The following TBC1D22A variants were observed in gnomAD, a reference collection of about 807,000 sequenced individuals.
TBC1D22A encodes TBC1 domain family member 22A, also known as putative GTPase activator.
TBC1D22A carries 38 observed loss-of-function variants against 60.2 expected under a neutral mutation model. The observed-to-expected ratio is 0.63, with a 90% CI of 0.49 to 0.83. TBC1D22A has a LOEUF of 0.83. TBC1D22A is among the 40% of genes least tolerant of loss of function. The pLI, the probability that TBC1D22A is intolerant of heterozygous loss-of-function variation, is 0.00. For synonymous variants in TBC1D22A, 302 were observed against 281.7 expected (o/e 1.07, Z -0.72); for missense variants, 628 against 701.0 (o/e 0.90, Z 1.18).
intron 11 of TBC1D22A, among the ~76,000 whole-genome samples, chr22:47,064,405 G>A (rs993648893): frequency 6.6e-6 from 1 of 152,264 alleles, no homozygotes; most frequent in South Asian, 2.1e-4. Context: ...TGCAGATGGA[G>A]CTGTTCAGCT....
In TBC1D22A at chr22:47,035,563, C is replaced by A. The variant is rs570920317; in HGVS notation, c.1202-1508C>A. Among the ~76,000 whole-genome samples, 3 of 152,320 alleles carry A rather than the reference C, an allele frequency of 2.0e-5. No individual in the cohort carries two copies. In the East Asian group the frequency reaches 5.8e-4, roughly 29 times the overall value. ...AAGCAGGCCTCATCCTGCAGGCATC[C>A]CCTGACACCCAGCCCTACAGGAGCC... On this transcript the variant is annotated intron_variant, in intron 10 of 12. Transcript: ENST00000337137.
rs796441646 is a variant in TBC1D22A, at chr22:46,993,588, G to T, written c.1126-4046G>T. Among the ~76,000 whole-genome samples the T allele has an allele frequency of 9.2e-5, 14 of 152,186 alleles. No homozygotes were observed. In the South Asian group the frequency reaches 2.3e-3, roughly 25 times the overall value. On this transcript the variant is annotated intron_variant, in intron 9 of 12. Transcript: ENST00000337137. Reference sequence around the variant, plus strand: ...TCTGGGTGCCAGGTGTGGGAGGCGGGGTGCTGGGCTGGGGTGTCCCGAGGG... The same window carrying T: ...TCTGGGTGCCAGGTGTGGGAGGCGGTGTGCTGGGCTGGGGTGTCCCGAGGG...
intron 12 of TBC1D22A, among the ~76,000 whole-genome samples, chr22:47,121,505 G>T (rs2066269938): frequency 6.6e-6 from 1 of 152,130 alleles, no homozygotes; most frequent in South Asian, 2.1e-4. Flanking sequence ...ACTGAAACGA[G>T]CAAATGTTTT....
chr22:46,809,175 C>T (rs187979369), intron 4 of TBC1D22A, among the ~76,000 whole-genome samples: 6 of 152,248 alleles, frequency 3.9e-5, no homozygotes, highest in Admixed American at 1.3e-4. Flanking sequence ...ATCCAGTTTC[C>T]GGGAAGGGCT....
intron 9 of TBC1D22A, among the ~76,000 whole-genome samples, chr22:46,986,456 G>C (rs1190646801): frequency 1.3e-5 from 2 of 150,330 alleles, no homozygotes; most frequent in African/African-American, 4.9e-5. Flanking sequence ...TTGTATGTCA[G>C]TTTCCCTCAT....
At chr22:46,814,230 T>C (rs1020043081) in intron 4 of TBC1D22A, among the ~76,000 whole-genome samples, 2 of 152,276 alleles carry the variant, frequency 1.3e-5, no homozygotes, top group Non-Finnish European at 2.9e-5. Flanking sequence ...TCTAATGCTA[T>C]GTGCCAGGTG....
chr22:46,851,525 C>T (rs1213625608), intron 4 of TBC1D22A, among the ~76,000 whole-genome samples: 3 of 152,256 alleles, frequency 2.0e-5, no homozygotes, highest in Non-Finnish European at 4.4e-5. Context: ...TTTGAGAAGG[C>T]ACTGACCCAG....
rs567506984 is a variant in TBC1D22A, at chr22:46,884,166, T to C, written c.708+5443T>C. On this transcript the variant is annotated intron_variant, in intron 5 of 12. Transcript: ENST00000337137. ...GAAGTAGATTTGATGTGCTGTGGAA[T>C]GTGAGGAGTGCTGTAGGAAAAGGGC... Among the ~76,000 whole-genome samples, 7 of 149,434 alleles carry C rather than the reference T, an allele frequency of 4.7e-5. No homozygotes were observed. The East Asian group carries it at 1.2e-3, about 25-fold the overall frequency.
At chr22:46,869,886 T>C (rs377363373) in intron 4 of TBC1D22A, among the ~76,000 whole-genome samples, 4 of 152,190 alleles carry the variant, frequency 2.6e-5, no homozygotes, top group African/African-American at 9.7e-5. Context: ...AAGGTTCTTA[T>C]AATTAGGAGT....
At chr22:46,772,082 T>C (rs1451687411) in intron 1 of TBC1D22A, among the ~76,000 whole-genome samples, 1 of 143,538 alleles carries the variant, frequency 7.0e-6, no homozygotes, top group South Asian at 2.2e-4. Flanking sequence ...CACATATACA[T>C]ATATATGTAT....
intron 4 of TBC1D22A, among the ~76,000 whole-genome samples, chr22:46,811,982 C>A (rs948763138): frequency 6.6e-6 from 1 of 152,056 alleles, no homozygotes; most frequent in Admixed American, 6.5e-5. Flanking sequence ...GTTTCCCTAC[C>A]AGTAAAATCA....
At chr22:47,025,804 T>G (rs2062236436) in intron 10 of TBC1D22A, among the ~76,000 whole-genome samples, 1 of 152,140 alleles carries the variant, frequency 6.6e-6, no homozygotes, top group Admixed American at 6.5e-5. Flanking sequence ...GAGGGAATCA[T>G]ATAGTACTGA....
chr22:47,114,199 G>T (rs1292215507), intron 12 of TBC1D22A, among the ~76,000 whole-genome samples: 2 of 152,066 alleles, frequency 1.3e-5, no homozygotes, highest in Non-Finnish European at 2.9e-5. Flanking sequence ...TACTTAACTT[G>T]AGATGAAGGG....
At chr22:46,908,167 A>G (rs1379551530) in intron 7 of TBC1D22A, among the ~76,000 whole-genome samples, 3 of 152,218 alleles carry the variant, frequency 2.0e-5, no homozygotes, top group Non-Finnish European at 4.4e-5. Flanking sequence ...GGGTGTTAGC[A>G]GGAAGACCAG....
chr22:46,920,650 A>G (rs927055018), intron 8 of TBC1D22A, among the ~76,000 whole-genome samples: 5 of 152,144 alleles, frequency 3.3e-5, no homozygotes, highest in African/African-American at 1.2e-4. Flanking sequence ...TGGATTAGAG[A>G]AACTCTGTTG....
At chr22:47,049,251 A>G (rs2063129269) in intron 11 of TBC1D22A, among the ~76,000 whole-genome samples, 1 of 152,130 alleles carries the variant, frequency 6.6e-6, no homozygotes, top group African/African-American at 2.4e-5. Context: ...CAGTATTGAC[A>G]TTTTCCGATA....
At chr22:47,038,790 C>G (rs1470155626) in intron 11 of TBC1D22A, among the ~76,000 whole-genome samples, 1 of 152,204 alleles carries the variant, frequency 6.6e-6, no homozygotes, top group Non-Finnish European at 1.5e-5. Flanking sequence ...TCATTCGTGT[C>G]CGCGACTTGG....
intron 11 of TBC1D22A, among the ~76,000 whole-genome samples, chr22:47,081,941 T>C (rs2064483375): frequency 6.6e-6 from 1 of 152,142 alleles, no homozygotes; most frequent in Non-Finnish European, 1.5e-5. Context: ...GTGGATCACC[T>C]GAGGTCAGGA....
intron 11 of TBC1D22A, among the ~76,000 whole-genome samples, chr22:47,050,060 A>G (rs1225157395): frequency 9.9e-5 from 15 of 151,200 alleles, no homozygotes; most frequent in Non-Finnish European, 4.4e-5. Context: ...GCTTGAGTGC[A>G]GTGGCTCGAT....
Sources: allele counts gnomAD v4.1 joint callset (sites outside exome capture counted in the v4.1 genomes callset), GRCh38; gene constraint gnomAD v4.1.1; transcripts MANE v1.5; gene names NCBI Gene and HGNC (gene_info 2026-07-23, HGNC 2026-07-21).